The following FLVCR1 variants were observed in gnomAD, a reference collection of about 807,000 sequenced individuals.
FLVCR1 encodes the protein choline/ethanolamine transporter FLVCR1.
Under a neutral mutation model 53.6 loss-of-function variants are expected in FLVCR1, and 34 were observed. The ratio of observed to expected loss-of-function variants is 0.63; its 90% CI spans 0.48 to 0.84. The LOEUF is 0.84. Among genes scored for constraint, FLVCR1 ranks in the 40% least tolerant of loss-of-function variants. The probability of loss-of-function intolerance (pLI) is 0.00; values close to 1 mark genes in which losing one functional copy is unlikely to be tolerated. For synonymous variants in FLVCR1, 300 were observed against 286.3 expected (o/e 1.05, Z -0.48); for missense variants, 677 against 696.7 (o/e 0.97, Z 0.32).
At chr1:212,860,770 C>T (rs186889770) in intron 1 of FLVCR1, among the ~76,000 whole-genome samples, 3 of 152,244 alleles carry the variant, frequency 2.0e-5, no homozygotes, top group African/African-American at 7.2e-5. Flanking sequence ...TTATTACTCT[C>T]CATAAAACCA....
At chr1:212,860,718 A>C (rs1436040875) in intron 1 of FLVCR1, among the ~76,000 whole-genome samples, 1 of 152,138 alleles carries the variant, frequency 6.6e-6, no homozygotes, top group Admixed American at 6.5e-5. Context: ...TTTCATGAAA[A>C]TAGGAATGTG....
In FLVCR1 at chr1:212,858,393, C is replaced by G; in HGVS notation, c.-60C>G. On this transcript the variant is annotated 5_prime_UTR_variant, in exon 1 of 10. Transcript: ENST00000366971. ...CCCAGGAGGACCTCGGGCTGTGGGC[C>G]GGGAGAGCGGAGTCGGGGAGTGGGG... 7.2e-7 allele frequency: 1 copy of G among 1,391,046 alleles called. No individual in the cohort carries two copies. The highest frequency in any genetic ancestry group is 1.5e-5 in the South Asian group (1 of 65,932). 86.2% of individuals were successfully genotyped at this position (1,391,046 alleles called of 1,614,324 possible).
chr1:212,876,275 G>C (rs1022512591), intron 3 of FLVCR1, among the ~76,000 whole-genome samples: 1 of 152,096 alleles, frequency 6.6e-6, no homozygotes, highest in African/African-American at 2.4e-5. Flanking sequence ...TTATAAGTGA[G>C]AACATGTTGT....
chr1:212,864,599 T>C (rs977069604), intron 2 of FLVCR1: 1 of 152,342 alleles, frequency 6.6e-6, no homozygotes, highest in Non-Finnish European at 1.5e-5. Context: ...TTAAGTAATA[T>C]AGCTGCTAGC....
At chr1:212,887,682 G>C (rs953066948) in intron 5 of FLVCR1, among the ~76,000 whole-genome samples, 2 of 151,986 alleles carry the variant, frequency 1.3e-5, no homozygotes, top group African/African-American at 4.8e-5. Flanking sequence ...TCCTATCTGA[G>C]CATTCGATAT....
Position 212,895,397 on chromosome 1 carries a change from A to G in FLVCR1, c.*107A>G. ...GTTTGTATGTGGTGGGGGAATAAAC[A>G]CACTTACTTGAAAATTACCATATGA... On this transcript the variant is annotated 3_prime_UTR_variant, in exon 10 of 10. Coordinates refer to ENST00000366971, the MANE Select transcript of FLVCR1 (RefSeq NM_014053.4). 1 of 783,006 alleles carries G rather than the reference A, an allele frequency of 1.3e-6. No individual in the cohort carries two copies. Among genetic ancestry groups the G allele is most frequent in the Non-Finnish European group, 2.3e-6 (1 of 438,490 alleles). 48.5% of individuals were successfully genotyped at this position (783,006 alleles called of 1,614,324 possible).
In FLVCR1 at chr1:212,859,125, G is replaced by T; in HGVS notation, c.673G>T (p.Ala225Ser). 6.2e-7 allele frequency: 1 copy of T among 1,613,938 alleles called. No homozygotes were observed. Among genetic ancestry groups the T allele is most frequent in the Non-Finnish European group, 8.5e-7 (1 of 1,180,022 alleles). Residue 225 changes from alanine to serine, a missense_variant, in exon 1 of 10, where the codon GCC becomes TCC. Transcript: ENST00000366971. Reference sequence around the variant, plus strand: ...CATCCTGGGCTTGCCCTCCCGCATCGCCTCAGTGTGGTTTGGGCCCAAAGA... The same window carrying T: ...CATCCTGGGCTTGCCCTCCCGCATCTCCTCAGTGTGGTTTGGGCCCAAAGA... ...VFILGLPSRI[A>S]SVWFGPKEVS...
Position 212,866,265 on chromosome 1 carries a change from A to G in FLVCR1, c.883+2396A>G, listed in dbSNP as rs368900357. Among the ~76,000 whole-genome samples, 19 of 151,730 alleles carry G rather than the reference A, an allele frequency of 1.3e-4. 1 individual carries two copies. The East Asian group carries it at 2.1e-3, about 17-fold the overall frequency. On this transcript the variant is annotated intron_variant, in intron 2 of 9. Coordinates refer to ENST00000366971, the MANE Select transcript of FLVCR1 (RefSeq NM_014053.4). ...CTCCCAAAGTGCTGGAATTACAGGCATGAGCCACCGAGCCCGGCCTTTTTT... is the reference window on the plus strand; with the variant it reads ...CTCCCAAAGTGCTGGAATTACAGGCGTGAGCCACCGAGCCCGGCCTTTTTT...
intron 1 of FLVCR1, among the ~76,000 whole-genome samples, chr1:212,862,571 T>TATCAAC (rs1664278288): frequency 1.3e-5 from 2 of 152,266 alleles, no homozygotes; most frequent in Non-Finnish European, 2.9e-5. Context: ...TTTATCCATT[T>TATCAAC]ATCTGTTGAT....
At chr1:212,890,947 C>T (rs1665175724) in intron 8 of FLVCR1, among the ~76,000 whole-genome samples, 1 of 152,116 alleles carries the variant, frequency 6.6e-6, no homozygotes, top group Non-Finnish European at 1.5e-5. Context: ...TCTGTTTCCT[C>T]AAAGAAAAAC....
chr1:212,883,810 G>A (rs1664985494), intron 4 of FLVCR1, among the ~76,000 whole-genome samples: 1 of 150,548 alleles, frequency 6.6e-6, no homozygotes, highest in African/African-American at 2.4e-5. Flanking sequence ...AGGGGACTGG[G>A]CCCCATCTGA....
Position 212,889,199 on chromosome 1 carries a change from T to A in FLVCR1, c.1467T>A (p.Gly489=). 6.2e-7 allele frequency: 1 copy of A among 1,613,966 alleles called. No individual in the cohort carries two copies. Among genetic ancestry groups the A allele is most frequent in the African/African-American group, 1.3e-5 (1 of 75,052 alleles). The change falls in exon 8 of 10, where the codon GGT becomes GGA. Residue 489 remains glycine (G), a synonymous_variant. Transcript: ENST00000366971. ...LAQGKLTSDY[G]PKAGNIFLCV... ...AAGGAAAGCTCACATCAGACTATGG[T>A]CCTAAGGCAGGGAACATTTTTCTCT...
At chr1:212,874,708 T>C (rs920327547) in intron 3 of FLVCR1, among the ~76,000 whole-genome samples, 4 of 151,872 alleles carry the variant, frequency 2.6e-5, no homozygotes, top group Non-Finnish European at 5.9e-5. Context: ...TTTGTTTTTT[T>C]AGTAGAGGCG....
In FLVCR1 at chr1:212,872,658, CT is replaced by C. The variant is rs1664634286; in HGVS notation, c.884-16del. 1 of 1,568,498 alleles carries C rather than the reference CT, an allele frequency of 6.4e-7. No individual in the cohort carries two copies. Among genetic ancestry groups the C allele is most frequent in the Non-Finnish European group, 8.8e-7 (1 of 1,139,074 alleles). On this transcript the variant is annotated intron_variant, in intron 2 of 9. Coordinates refer to ENST00000366971, the MANE Select transcript of FLVCR1 (RefSeq NM_014053.4). Reference sequence around the variant, plus strand: ...GTATATATATTAAATATACATAATCCTTTTCGTGTATATTCTCAGCCTTCAA... The same window carrying C: ...GTATATATATTAAATATACATAATCCTTTCGTGTATATTCTCAGCCTTCAA...
At chr1:212,891,379 G>A (rs1665188715) in intron 8 of FLVCR1, among the ~76,000 whole-genome samples, 1 of 151,176 alleles carries the variant, frequency 6.6e-6, no homozygotes, top group Admixed American at 6.6e-5. Context: ...GGGAGGCGGA[G>A]GTTGCAGTGA....
intron 3 of FLVCR1, among the ~76,000 whole-genome samples, chr1:212,882,942 A>G (rs1664964086): frequency 6.6e-6 from 1 of 152,192 alleles, no homozygotes; most frequent in Non-Finnish European, 1.5e-5. Flanking sequence ...AATTTTCAGT[A>G]AGTCTTTGAT....
rs1034735890 is a variant in FLVCR1 at position 212,895,394 on chromosome 1, A to G, written c.*104A>G. On this transcript the variant is annotated 3_prime_UTR_variant, in exon 10 of 10. Coordinates refer to ENST00000366971, the MANE Select transcript of FLVCR1 (RefSeq NM_014053.4). ...TGGGTTTGTATGTGGTGGGGGAATAAACACACTTACTTGAAAATTACCATA... is the reference window on the plus strand; with the variant it reads ...TGGGTTTGTATGTGGTGGGGGAATAGACACACTTACTTGAAAATTACCATA... 56 of 796,376 alleles carry G rather than the reference A, an allele frequency of 7.0e-5. No individual in the cohort carries two copies. Among genetic ancestry groups the G allele is most frequent in the Non-Finnish European group, 1.2e-4 (54 of 448,156 alleles). The allele number at this position is 796,376 out of a possible 1,614,324, so 49.3% of individuals were successfully genotyped here.
At chr1:212,884,626 G>A (rs751017866) in intron 4 of FLVCR1, among the ~76,000 whole-genome samples, 13 of 152,152 alleles carry the variant, frequency 8.5e-5, no homozygotes, top group Admixed American at 2.0e-4. Flanking sequence ...AAAAGCTATC[G>A]ATTAACCTCC....
rs2102526790 is a variant in FLVCR1 at position 212,858,782 on chromosome 1, G to A, written c.330G>A (p.Val110=). 1 of 1,614,136 alleles carries A rather than the reference G, an allele frequency of 6.2e-7. No individual in the cohort carries two copies. Among genetic ancestry groups the A allele is most frequent in the East Asian group, 2.2e-5 (1 of 44,878 alleles). ...CGCTCTCCCCGCGGCGCTTCGTGGTGCTCCTGATCTTCAGCCTGTACTCGC... is the reference window on the plus strand; with the variant it reads ...CGCTCTCCCCGCGGCGCTTCGTGGTACTCCTGATCTTCAGCCTGTACTCGC... ...LTALSPRRFV[V]LLIFSLYSLV... is the part of the protein sequence containing the mutation. The change falls in exon 1 of 10, where the codon GTG becomes GTA. Residue 110 remains valine (V), a synonymous_variant. Transcript: ENST00000366971.
Sources: allele counts gnomAD v4.1 joint callset (sites outside exome capture counted in the v4.1 genomes callset), GRCh38; gene constraint gnomAD v4.1.1; transcripts MANE v1.5; gene names NCBI Gene and HGNC (gene_info 2026-07-23, HGNC 2026-07-21).